The following LPCAT2 variants were observed in gnomAD, a reference collection of about 807,000 sequenced individuals.
LPCAT2 encodes 1-AGP acyltransferase 11.
In LPCAT2, 58 loss-of-function variants were observed where a neutral mutation model predicts 64.7. The observed-to-expected ratio is 0.90, with a 90% CI of 0.73 to 1.12. The LOEUF (loss-of-function observed/expected upper bound fraction) is 1.12. Among genes scored for constraint, LPCAT2 ranks in the 50% most tolerant of loss-of-function variants. The pLI, the probability that LPCAT2 is intolerant of heterozygous loss-of-function variation, is 0.00. For missense variants in LPCAT2, 579 were observed against 669.8 expected, an observed-to-expected ratio of 0.86 and a Z score of 1.50; for synonymous variants, 252 against 245.3, an observed-to-expected ratio of 1.03 and a Z score of -0.26.
chr16:55,539,776 T>C (rs901892075), intron 8 of LPCAT2: 1 of 152,180 alleles, frequency 6.6e-6, no homozygotes, highest in Admixed American at 6.5e-5. Flanking sequence ...ATTGTCTTGG[T>C]TGTTCTCAAG....
At chr16:55,554,327 A>G (rs1470378569) in intron 11 of LPCAT2, among the ~76,000 whole-genome samples, 3 of 152,296 alleles carry the variant, frequency 2.0e-5, no homozygotes, top group East Asian at 1.9e-4. Context: ...TATCTTAGCT[A>G]GATTTTCTGG....
chr16:55,566,914 C>G lies in LPCAT2; in HGVS notation c.1216-7717C>G, dbSNP rs372309142. On this transcript the variant is annotated intron_variant, in intron 11 of 13. Coordinates refer to ENST00000262134, the MANE Select transcript of LPCAT2 (RefSeq NM_017839.5). ...GTGAATTTTATCAGTGAGGCTGCAG[C>G]AGCTCAGTATACTCCAGAACCGCCT... is the stretch of plus-strand genomic sequence containing the variant. The G allele has an allele frequency of 3.1e-6, 5 of 1,613,732 alleles. No individual in the cohort carries two copies. In the African/African-American group the frequency reaches 5.3e-5, roughly 17 times the overall value.
At chr16:55,510,939 T>G (rs1324280274) in intron 1 of LPCAT2, among the ~76,000 whole-genome samples, 1 of 152,208 alleles carries the variant, frequency 6.6e-6, no homozygotes, top group East Asian at 1.9e-4. Context: ...TATTAAGTTT[T>G]TCCATCACCT....
At chr16:55,547,570 T>C (rs1963467703) in intron 9 of LPCAT2, among the ~76,000 whole-genome samples, 2 of 152,306 alleles carry the variant, frequency 1.3e-5, no homozygotes, top group East Asian at 3.9e-4. Context: ...AAAGTCACAC[T>C]AGGTAGTGAC....
chr16:55,547,884 C>T (rs1963472025), intron 9 of LPCAT2, among the ~76,000 whole-genome samples: 1 of 152,082 alleles, frequency 6.6e-6, no homozygotes, highest in Admixed American at 6.5e-5. Context: ...TCTCCTGCCT[C>T]AGCCTCCTGA....
At chr16:55,575,961 C>G (rs116647611) in intron 12 of LPCAT2, among the ~76,000 whole-genome samples, 1 of 152,162 alleles carries the variant, frequency 6.6e-6, no homozygotes, top group African/African-American at 2.4e-5. Flanking sequence ...CTAACTTATT[C>G]TTCTGATCTA....
rs1455469736 is a variant in LPCAT2, at chr16:55,534,430, T to G, written c.763-13T>G. ...CCTCCAGACCAACAGCTAAAATAAT[T>G]TTGTTATTATAGGATACTGTGACCT... On this transcript the variant is annotated splice_polypyrimidine_tract_variant and intron_variant, in intron 6 of 13. Transcript: ENST00000262134. 6 of 1,512,398 alleles carry G rather than the reference T, an allele frequency of 4.0e-6. No homozygotes were observed. The highest frequency in any genetic ancestry group is 3.6e-6 in the Non-Finnish European group (4 of 1,099,612). 93.7% of individuals were successfully genotyped at this position (1,512,398 alleles called of 1,614,324 possible). A position where few individuals can be genotyped will look rare whatever the true frequency, so the allele number is the denominator to read the frequency against.
At chr16:55,573,405 T>TC (rs398119402) in intron 11 of LPCAT2, among the ~76,000 whole-genome samples, 2 of 151,806 alleles carry the variant, frequency 1.3e-5, no homozygotes, top group Non-Finnish European at 2.9e-5. Context: ...TTTTTTTTTT[T>TC]CTTAGCCCCT....
intron 2 of LPCAT2, among the ~76,000 whole-genome samples, chr16:55,526,492 T>G (rs1025649124): frequency 2.0e-5 from 3 of 152,198 alleles, no homozygotes; most frequent in Non-Finnish European, 4.4e-5. Flanking sequence ...CCAAAAATTT[T>G]GAGAAAGACT....
rs760858610 is a variant in LPCAT2, at chr16:55,537,629, T to C, written c.849T>C (p.Val283=). ...TFCQLFTKVE[V]EFMPVQVPND... Reference sequence around the variant, plus strand: ...GCCAGCTCTTCACAAAGGTAGAAGTTGAGGTAAGTCATTCAAAATGTGGCC... The same window carrying C: ...GCCAGCTCTTCACAAAGGTAGAAGTCGAGGTAAGTCATTCAAAATGTGGCC... The change falls in exon 8 of 14, where the codon GTT becomes GTC. Residue 283 remains valine, a synonymous_variant. Transcript: ENST00000262134. 3 of 1,613,086 alleles carry C rather than the reference T, an allele frequency of 1.9e-6. No individual in the cohort carries two copies. In the Admixed American group the frequency reaches 5.0e-5, roughly 27 times the overall value.
At chr16:55,535,034 G>A (rs1434759328) in intron 7 of LPCAT2, among the ~76,000 whole-genome samples, 1 of 152,164 alleles carries the variant, frequency 6.6e-6, no homozygotes, top group African/African-American at 2.4e-5. Flanking sequence ...TATTAAGCAA[G>A]CTGATGTGAA....
rs146943467 is a variant in LPCAT2 at position 55,529,871 on chromosome 16, G to A, written c.566G>A (p.Arg189His). The A allele has an allele frequency of 1.9e-6, 3 of 1,612,102 alleles. No homozygotes were observed. The highest frequency in any genetic ancestry group is 1.1e-5 in the South Asian group (1 of 90,622). ...LRAVQPVLVS[R>H]VDPDSRKNTI... ...GCTGTGCAACCAGTTTTGGTGTCCCGTGTAGATCCGGATTCCCGAAAAAAC... is the reference window on the plus strand; with the variant it reads ...GCTGTGCAACCAGTTTTGGTGTCCCATGTAGATCCGGATTCCCGAAAAAAC... The change falls in exon 4 of 14, where the codon CGT becomes CAT. Residue 189 changes from arginine to histidine, a missense_variant. Transcript: ENST00000262134.
At chr16:55,553,488 A>G (rs1225487704) in intron 11 of LPCAT2, among the ~76,000 whole-genome samples, 1 of 152,196 alleles carries the variant, frequency 6.6e-6, no homozygotes, top group Non-Finnish European at 1.5e-5. Context: ...TTCAAGTTTT[A>G]TCATGAGATT....
At chr16:55,544,895 G>A (rs1963436491) in intron 8 of LPCAT2, among the ~76,000 whole-genome samples, 1 of 152,084 alleles carries the variant, frequency 6.6e-6, no homozygotes, top group South Asian at 2.1e-4. Flanking sequence ...TTAAGCTATT[G>A]AGCCCCATCT....
chr16:55,543,440 T>C (rs1963419049), intron 8 of LPCAT2, among the ~76,000 whole-genome samples: 2 of 152,298 alleles, frequency 1.3e-5, no homozygotes, highest in South Asian at 2.1e-4. Context: ...AAATGGTTGT[T>C]TGACTTTTTT....
chr16:55,552,918 T>C (rs768363662), intron 11 of LPCAT2, among the ~76,000 whole-genome samples: 3 of 152,188 alleles, frequency 2.0e-5, no homozygotes, highest in Non-Finnish European at 4.4e-5. Context: ...TTTGCTGCAT[T>C]GATAGACTCT....
chr16:55,542,401 C>T (rs1725702249), intron 8 of LPCAT2, among the ~76,000 whole-genome samples: 1 of 152,058 alleles, frequency 6.6e-6, no homozygotes, highest in African/African-American at 2.4e-5. Flanking sequence ...GAAGGGAATA[C>T]ATTCACATAA....
intron 11 of LPCAT2, among the ~76,000 whole-genome samples, chr16:55,554,026 A>G (rs1370586295): frequency 4.6e-5 from 7 of 152,222 alleles, no homozygotes; most frequent in African/African-American, 1.7e-4. Flanking sequence ...TGTTCTTAAA[A>G]TAATCTTTAA....
chr16:55,530,849 G>GT (rs1322802997), intron 4 of LPCAT2, among the ~76,000 whole-genome samples: 1 of 152,074 alleles, frequency 6.6e-6, no homozygotes, highest in African/African-American at 2.4e-5. Context: ...ACAACTTTCT[G>GT]TCCAGAAGTG....
Sources: allele counts gnomAD v4.1 joint callset (sites outside exome capture counted in the v4.1 genomes callset), GRCh38; gene constraint gnomAD v4.1.1; transcripts MANE v1.5; gene names NCBI Gene and HGNC (gene_info 2026-07-23, HGNC 2026-07-21).